Variants in SIL1 observed in about 807,000 individuals in gnomAD.
The protein encoded by SIL1 is nucleotide exchange factor SIL1.
A neutral mutation model predicts 49.1 loss-of-function variants in SIL1; 40 were observed. The ratio of observed to expected loss-of-function variants is 0.81; its 90% CI spans 0.63 to 1.06. The LOEUF is 1.06. Ranked by LOEUF, SIL1 falls within the 50% of genes least tolerant of loss-of-function variation. The pLI, the probability that SIL1 is intolerant of heterozygous loss-of-function variation, is 0.00. For missense variants in SIL1, 500 were observed against 572.6 expected (o/e 0.87, Z 1.29); for synonymous variants, 253 against 250.8 (o/e 1.01, Z -0.08).
intron 3 of SIL1, among the ~76,000 whole-genome samples, chr5:139,077,421 G>C (rs921014943): frequency 3.9e-5 from 6 of 152,060 alleles, no homozygotes; most frequent in Admixed American, 1.3e-4. Flanking sequence ...AGATTTTCTT[G>C]TTATTTTACA....
intron 5 of SIL1, among the ~76,000 whole-genome samples, chr5:139,041,303 TG>T (rs1282551904): frequency 2.6e-5 from 4 of 152,190 alleles, no homozygotes; most frequent in African/African-American, 9.7e-5. Context: ...AGTAAAGACG[TG>T]GAGACTGAGC....
intron 7 of SIL1, among the ~76,000 whole-genome samples, chr5:138,980,900 G>C (rs1561814172): frequency 6.6e-6 from 1 of 152,114 alleles, no homozygotes; most frequent in Non-Finnish European, 1.5e-5. Context: ...GCAGCCTCAT[G>C]TTCTTATGAG....
At chr5:139,092,662 A>T (rs1287137705) in intron 3 of SIL1, among the ~76,000 whole-genome samples, 1 of 152,200 alleles carries the variant, frequency 6.6e-6, no homozygotes, top group East Asian at 1.9e-4. Context: ...CTTTGGGCTC[A>T]AGACAACGGG....
chr5:139,138,810 A>T (rs1370525905), intron 1 of SIL1, among the ~76,000 whole-genome samples: 4 of 152,216 alleles, frequency 2.6e-5, no homozygotes, highest in African/African-American at 9.6e-5. Context: ...AAAAGCAGCG[A>T]GGGCTTCACC....
At chr5:139,168,454 G>C (rs913928288) in intron 1 of SIL1, among the ~76,000 whole-genome samples, 3 of 152,182 alleles carry the variant, frequency 2.0e-5, no homozygotes, top group Non-Finnish European at 4.4e-5. Context: ...TGCACAAAAA[G>C]AACACTGTCT....
At chr5:139,127,055 G>A (rs1195385322) in intron 2 of SIL1, among the ~76,000 whole-genome samples, 2 of 152,234 alleles carry the variant, frequency 1.3e-5, no homozygotes, top group Non-Finnish European at 2.9e-5. Context: ...GTGTGCTGCA[G>A]CCAGGCCAAG....
chr5:138,947,283 G>C lies in SIL1; in HGVS notation c.1220C>G (p.Thr407Ser). The C allele has an allele frequency of 6.2e-7, 1 of 1,613,520 alleles. No homozygotes were observed. The highest frequency in any genetic ancestry group is 8.5e-7 in the Non-Finnish European group (1 of 1,180,036). Reference sequence around the variant, plus strand: ...GTCCTGACGGTAGCGGTCCCGGCAGGTGGTCAGGAGGACGCCCAGTGTCTG... The same window carrying C: ...GTCCTGACGGTAGCGGTCCCGGCAGCTGGTCAGGAGGACGCCCAGTGTCTG... ...VLQTLGVLLT[T>S]CRDRYRQDPQ... Residue 407 changes from threonine (T) to serine (S), a missense_variant, in exon 10 of 10, where the codon ACC (threonine) becomes AGC (serine). Thr to Ser is a moderately conservative substitution (Grantham distance 58). Coordinates refer to ENST00000394817, the MANE Select transcript of SIL1 (RefSeq NM_022464.5). The surrounding 1 kb of genome is among the most constrained non-coding windows in gnomAD (Gnocchi z 4.1).
chr5:139,035,528 C>T (rs1581047303), intron 5 of SIL1: 2 of 521,308 alleles, frequency 3.8e-6, no homozygotes, highest in Non-Finnish European at 3.8e-6. Flanking sequence ...CAACCTTTTT[C>T]GGAGACAGAC....
chr5:138,948,597 C>A lies in SIL1; in HGVS notation c.1030-1124G>T, dbSNP rs1429244402. 6.6e-6 allele frequency among the ~76,000 whole-genome samples: 1 copy of A among 150,438 alleles called. No individual in the cohort carries two copies. Among genetic ancestry groups the A allele is most frequent in the Non-Finnish European group, 1.5e-5 (1 of 67,790 alleles). On this transcript the variant is annotated intron_variant, in intron 9 of 9. Transcript: ENST00000394817. This position sits in a 1 kb window ranked among gnomAD's most constrained non-coding sequence, Gnocchi z 4.8. Reference sequence around the variant, plus strand: ...TGTCACTCTAACTCTCCCCTGGGGCCTCTGGAGGCGCAGCTCCGACTTCCA... The same window carrying A: ...TGTCACTCTAACTCTCCCCTGGGGCATCTGGAGGCGCAGCTCCGACTTCCA...
intron 5 of SIL1, among the ~76,000 whole-genome samples, chr5:139,029,890 T>C (rs1768748614): frequency 6.6e-6 from 1 of 151,394 alleles, no homozygotes; most frequent in African/African-American, 2.4e-5. Flanking sequence ...GGTGGGAGGA[T>C]CACTTGAGTC....
intron 9 of SIL1, 104 bp downstream of exon 9, chr5:138,951,067 A>C: frequency 1.5e-6 from 2 of 1,331,202 alleles, no homozygotes; most frequent in South Asian, 2.5e-5. Context: ...AAGCACACAC[A>C]AAGCAAACAA....
Position 139,126,168 on chromosome 5 carries a change from A to G in SIL1, c.105+1571T>C, listed in dbSNP as rs899495443. Among the ~76,000 whole-genome samples the G allele has an allele frequency of 4.6e-5, 7 of 152,230 alleles. No individual in the cohort carries two copies. In the South Asian group the frequency reaches 6.2e-4, roughly 13 times the overall value. On this transcript the variant is annotated intron_variant, in intron 2 of 9. Coordinates refer to ENST00000394817, the MANE Select transcript of SIL1 (RefSeq NM_022464.5). ...TGAGAGAAAAGATGCTTCAACTCCTACTTGTGCTTAGCACATGATGAAAGA... is the reference window on the plus strand; with the variant it reads ...TGAGAGAAAAGATGCTTCAACTCCTGCTTGTGCTTAGCACATGATGAAAGA...
rs527275176 is a variant in SIL1, at chr5:138,983,673, G to A, written c.768-31789C>T. 7.9e-5 allele frequency among the ~76,000 whole-genome samples: 12 copies of A among 151,922 alleles called. No individual in the cohort carries two copies. The East Asian group carries it at 1.7e-3, about 22-fold the overall frequency. ...TCCAACCACCCACTCTACCCTGCCC[G>A]GACTCCCACGCTCCACCCCTCCCCA... is the stretch of plus-strand genomic sequence containing the variant. On this transcript the variant is annotated intron_variant, in intron 7 of 9. Coordinates refer to ENST00000394817, the MANE Select transcript of SIL1 (RefSeq NM_022464.5).
At chr5:139,054,399 G>T (rs1421752331) in intron 3 of SIL1, among the ~76,000 whole-genome samples, 2 of 152,124 alleles carry the variant, frequency 1.3e-5, no homozygotes, top group South Asian at 2.1e-4. Flanking sequence ...AACAGAGTGA[G>T]AACTTGTCTC....
At chr5:138,997,726 T>C (rs1767901800) in intron 7 of SIL1, among the ~76,000 whole-genome samples, 1 of 152,180 alleles carries the variant, frequency 6.6e-6, no homozygotes, top group Admixed American at 6.5e-5. Context: ...GCCTGGCTAA[T>C]TTTTGTATTT....
chr5:138,970,244 C>T (rs1310010687), intron 7 of SIL1, among the ~76,000 whole-genome samples: 1 of 152,236 alleles, frequency 6.6e-6, no homozygotes, highest in African/African-American at 2.4e-5. Flanking sequence ...GGTCTCCACT[C>T]TCCTCCCAAA....
chr5:139,119,791 T>C (rs1029824062), intron 3 of SIL1, among the ~76,000 whole-genome samples: 3 of 152,100 alleles, frequency 2.0e-5, no homozygotes, highest in Non-Finnish European at 4.4e-5. Flanking sequence ...AGCAACACTA[T>C]ATACATAAAA....
At position 139,026,835 on chromosome 5, in the gene SIL1, G is replaced by A. The variant is rs1768665175; in HGVS notation, c.611C>T (p.Ala204Val). Residue 204 changes from alanine (A) to valine (V), a missense_variant, in exon 6 of 10, where the codon GCT (alanine) becomes GTT (valine). Physicochemically the swap from Ala to Val is moderately conservative, Grantham distance 64. Coordinates refer to ENST00000394817, the MANE Select transcript of SIL1 (RefSeq NM_022464.5). The part of the protein sequence containing the change: ...SSSSSLEEKI[A>V]ALFDLEYYVH... ...ATAATATTCAAGATCAAAGAGCGCA[G>A]CAATCTTCTCTTCCAAACTGGAGCT... 6.2e-7 allele frequency: 1 copy of A among 1,614,008 alleles called. No individual in the cohort carries two copies. Among genetic ancestry groups the A allele is most frequent in the African/African-American group, 1.3e-5 (1 of 74,922 alleles).
At position 138,967,380 on chromosome 5, in the gene SIL1, C is replaced by T. The variant is rs183973295; in HGVS notation, c.768-15496G>A. 6.3e-4 allele frequency among the ~76,000 whole-genome samples: 96 copies of T among 152,292 alleles called. 2 individuals carry two copies. The highest frequency in any genetic ancestry group is 6.1e-3 in the Admixed American group (94 of 15,308). On this transcript the variant is annotated intron_variant, in intron 7 of 9. Coordinates refer to ENST00000394817, the MANE Select transcript of SIL1 (RefSeq NM_022464.5). ...CTGAGGCATGCTTAATTTTCAGAACCGCTAGGCTAGAGTATCCCTGGACAG... is the reference window on the plus strand; with the variant it reads ...CTGAGGCATGCTTAATTTTCAGAACTGCTAGGCTAGAGTATCCCTGGACAG...
Sources: gnomAD v4.1 joint callset for allele counts (sites outside exome capture counted in the v4.1 genomes callset) on GRCh38, gnomAD v4.1.1 for gene constraint, Gnocchi (gnomAD v3.1) non-coding constraint, MANE v1.5 for transcripts, NCBI Gene and HGNC (gene_info 2026-07-23, HGNC 2026-07-21) for gene names.